SEPTIN2: variants seen among roughly 807,000 people sequenced by gnomAD.
SEPTIN2 encodes the protein septin 2, also known as septin-2.
SEPTIN2 carries 34 observed loss-of-function variants against 46.5 expected under a neutral mutation model. The observed-to-expected ratio is 0.73, with a 90% CI of 0.56 to 0.97. SEPTIN2 has a LOEUF of 0.97. Among genes scored for constraint, SEPTIN2 ranks in the 50% least tolerant of loss-of-function variants. SEPTIN2 has a pLI of 0.00. For missense variants in SEPTIN2, 347 were observed against 448.4 expected, an observed-to-expected ratio of 0.77 and a Z score of 2.04; for synonymous variants, 175 against 153.4, an observed-to-expected ratio of 1.14 and a Z score of -1.04.
chr2:241,339,626 A>C (rs1029765347), intron 7 of SEPTIN2, among the ~76,000 whole-genome samples: 1 of 152,250 alleles, frequency 6.6e-6, no homozygotes, highest in East Asian at 1.9e-4. Flanking sequence ...CTGCTGATGA[A>C]TATTTGGCTT....
At chr2:241,327,752 T>TAA (rs747923867) in intron 3 of SEPTIN2, among the ~76,000 whole-genome samples, 2 of 152,110 alleles carry the variant, frequency 1.3e-5, no homozygotes, top group African/African-American at 2.4e-5. Flanking sequence ...GAAAGGTCTT[T>TAA]AAAAGTAGCC....
At chr2:241,324,388 CTT>C (rs5839771) in intron 2 of SEPTIN2, 147 bp downstream of exon 2, 240,355 of 451,548 alleles carry the variant, frequency 0.53, 37,172 homozygotes, top group Admixed American at 0.64. Flanking sequence ...ATTTAGTTGT[CTT>C]TTTTTTTTTT....
chr2:241,319,110 G>A (rs2076779139), intron 1 of SEPTIN2, among the ~76,000 whole-genome samples: 2 of 152,156 alleles, frequency 1.3e-5, no homozygotes, highest in African/African-American at 4.8e-5. Flanking sequence ...TAATCATGGT[G>A]AAATTGCAAT....
intron 11 of SEPTIN2, among the ~76,000 whole-genome samples, chr2:241,348,662 T>C (rs2060498306): frequency 6.6e-6 from 1 of 152,174 alleles, no homozygotes. Context: ...TTACTATATA[T>C]ACACATCTAT....
At chr2:241,324,682 G>C in intron 2 of SEPTIN2, 1 of 210,786 alleles carries the variant, frequency 4.7e-6, no homozygotes, top group Non-Finnish European at 9.8e-6. Context: ...ACCGTGCCTG[G>C]CCTAATTGTC....
intron 1 of SEPTIN2, among the ~76,000 whole-genome samples, chr2:241,322,165 A>G (rs1336412998): frequency 6.6e-6 from 1 of 152,118 alleles, no homozygotes; most frequent in Non-Finnish European, 1.5e-5. Context: ...CGAGAGGCAA[A>G]GTGAGAGAAG....
At chr2:241,325,516 C>T (rs1316612022) in intron 2 of SEPTIN2, among the ~76,000 whole-genome samples, 1 of 152,056 alleles carries the variant, frequency 6.6e-6, no homozygotes, top group African/African-American at 2.4e-5. Context: ...CTTTTTTCCT[C>T]GATACTTTTC....
At chr2:241,330,660 C>G (rs1318069009) in intron 3 of SEPTIN2, among the ~76,000 whole-genome samples, 1 of 152,176 alleles carries the variant, frequency 6.6e-6, no homozygotes, top group Non-Finnish European at 1.5e-5. Context: ...ATATAATAAG[C>G]AAATACGAAA....
intron 10 of SEPTIN2, among the ~76,000 whole-genome samples, chr2:241,346,940 C>T (rs910312747): frequency 3.3e-5 from 5 of 152,164 alleles, no homozygotes; most frequent in African/African-American, 9.7e-5. Context: ...CTTCGATCCT[C>T]GCAAAGTCCT....
chr2:241,323,370 A>G (rs1267999476), intron 1 of SEPTIN2, among the ~76,000 whole-genome samples: 1 of 151,904 alleles, frequency 6.6e-6, no homozygotes, highest in South Asian at 2.1e-4. Context: ...GGGTTTCACC[A>G]TGTTGGCCAG....
At chr2:241,324,716 C>T in intron 2 of SEPTIN2, 1 of 191,042 alleles carries the variant, frequency 5.2e-6, no homozygotes, top group South Asian at 8.1e-5. Flanking sequence ...GGAGCTTTCT[C>T]TTTTTTCAGG....
upstream of SEPTIN2, chr2:241,315,789 C>G (rs952872724): frequency 3.9e-5 from 6 of 152,258 alleles, no homozygotes; most frequent in African/African-American, 1.5e-4. Context: ...AAGCCGGCCG[C>G]ATGGGGGAGG....
intron 2 of SEPTIN2, chr2:241,325,011 C>T (rs1195901531): frequency 6.7e-6 from 1 of 150,218 alleles, no homozygotes; most frequent in Non-Finnish European, 1.5e-5. Flanking sequence ...CATTACTGTC[C>T]AATGCAAAAT....
intron 7 of SEPTIN2, among the ~76,000 whole-genome samples, chr2:241,342,592 G>C (rs2150137270): frequency 8.0e-6 from 1 of 125,370 alleles, no homozygotes; most frequent in Non-Finnish European, 1.6e-5. Flanking sequence ...CCAGGCTGAA[G>C]TGCAGTGGTC....
intron 3 of SEPTIN2, among the ~76,000 whole-genome samples, chr2:241,331,431 C>T (rs971070686): frequency 1.3e-5 from 2 of 152,194 alleles, no homozygotes; most frequent in African/African-American, 2.4e-5. Context: ...CAGTCTTGCT[C>T]TGTCATCCAG....
intron 7 of SEPTIN2, among the ~76,000 whole-genome samples, chr2:241,339,132 G>A (rs28648882): frequency 0.19 from 28,087 of 145,764 alleles, 3,056 homozygotes; most frequent in Middle Eastern, 0.35. Flanking sequence ...GGTGGCTCAC[G>A]CCTGTAATCC....
chr2:241,317,522 A>G, intron 1 of SEPTIN2: 1 of 984,800 alleles, frequency 1.0e-6, no homozygotes, highest in South Asian at 4.7e-5. Context: ...CTGTAAAAGA[A>G]GAAGTTGTGG....
At chr2:241,331,448 G>C (rs2078993757) in intron 3 of SEPTIN2, among the ~76,000 whole-genome samples, 1 of 152,180 alleles carries the variant, frequency 6.6e-6, no homozygotes, top group Non-Finnish European at 1.5e-5. Context: ...CCAGGCTAGA[G>C]TGCAATGGTA....
At chr2:241,348,485 C>A (rs2060479281) in intron 11 of SEPTIN2, among the ~76,000 whole-genome samples, 1 of 152,172 alleles carries the variant, frequency 6.6e-6, no homozygotes, top group African/African-American at 2.4e-5. Context: ...CCCACCTTGG[C>A]CTCCCAAAGT....
Sources: allele counts gnomAD v4.1 joint callset (sites outside exome capture counted in the v4.1 genomes callset), GRCh38; gene constraint gnomAD v4.1.1; transcripts MANE v1.5; gene names NCBI Gene and HGNC (gene_info 2026-07-23, HGNC 2026-07-21).